The following SLC4A4 variants were observed in gnomAD, a reference collection of about 807,000 sequenced individuals.
SLC4A4 encodes the protein electrogenic sodium bicarbonate cotransporter 1.
A neutral mutation model predicts 111.5 loss-of-function variants in SLC4A4; 27 were observed. The observed-to-expected ratio is 0.24, with a 90% confidence interval of 0.18 to 0.33. SLC4A4 has a LOEUF of 0.33. Among genes scored for constraint, SLC4A4 ranks in the 10% least tolerant of loss-of-function variants. The pLI is 1.00. For synonymous variants in SLC4A4, 443 were observed against 463.4 expected, an observed-to-expected ratio of 0.96 and a Z score of 0.57; for missense variants, 909 against 1,315.5, an observed-to-expected ratio of 0.69 and a Z score of 4.78.
At chr4:71,519,702 T>C (rs907870267) in intron 16 of SLC4A4, among the ~76,000 whole-genome samples, 5 of 152,220 alleles carry the variant, frequency 3.3e-5, no homozygotes, top group Admixed American at 2.6e-4. Flanking sequence ...TGGCATGACC[T>C]TGGGTCACTG....
chr4:71,192,863 C>A (rs1304893456), intron 1 of SLC4A4, among the ~76,000 whole-genome samples: 2 of 152,212 alleles, frequency 1.3e-5, no homozygotes, highest in Non-Finnish European at 2.9e-5. Context: ...GTCATTACTT[C>A]CCACCAAGGT....
chr4:71,355,072 T>C (rs1174963116), intron 5 of SLC4A4, among the ~76,000 whole-genome samples: 1 of 152,362 alleles, frequency 6.6e-6, no homozygotes, highest in South Asian at 2.1e-4. Context: ...GGAAACTTAA[T>C]GAAGGGCATA....
chr4:71,308,924 T>G (rs1725915403), intron 3 of SLC4A4, among the ~76,000 whole-genome samples: 1 of 152,174 alleles, frequency 6.6e-6, no homozygotes, highest in Admixed American at 6.5e-5. Flanking sequence ...GGGAGCCAAG[T>G]GATCTCCTGC....
At chr4:71,262,245 G>C (rs182839680) in intron 3 of SLC4A4, among the ~76,000 whole-genome samples, 1 of 152,104 alleles carries the variant, frequency 6.6e-6, no homozygotes, top group African/African-American at 2.4e-5. Context: ...AAAGAACAAG[G>C]GTTCTTAATA....
intron 3 of SLC4A4, among the ~76,000 whole-genome samples, chr4:71,317,990 G>T (rs1726823964): frequency 6.6e-6 from 1 of 151,990 alleles, no homozygotes; most frequent in Non-Finnish European, 1.5e-5. Flanking sequence ...TTACCAAATT[G>T]CTTGGCCAGG....
chr4:71,451,474 T>C (rs1725754715), intron 11 of SLC4A4, among the ~76,000 whole-genome samples, 173 bp downstream of exon 11: 1 of 152,218 alleles, frequency 6.6e-6, no homozygotes, highest in East Asian at 1.9e-4. Flanking sequence ...AATGATACTG[T>C]ATTCCCATAA....
At chr4:71,546,601 T>A in intron 19 of SLC4A4, 73 bp downstream of exon 19, 2 of 1,284,480 alleles carry the variant, frequency 1.6e-6, no homozygotes. Context: ...CATAAGGATA[T>A]GGGCAGATTT....
chr4:71,564,131 A>G (rs1160708040), intron 24 of SLC4A4, among the ~76,000 whole-genome samples: 2 of 151,640 alleles, frequency 1.3e-5, no homozygotes, highest in African/African-American at 2.4e-5. Flanking sequence ...AATCATCCCC[A>G]GTTTTTCCAA....
chr4:71,122,683 T>A (rs1365312069), intron 2 of SLC4A4, among the ~76,000 whole-genome samples: 1 of 152,170 alleles, frequency 6.6e-6, no homozygotes, highest in African/African-American at 2.4e-5. Flanking sequence ...AGGAGGTTTT[T>A]ACTCTGAAGA....
At chr4:71,316,661 G>A (rs1240614541) in intron 3 of SLC4A4, among the ~76,000 whole-genome samples, 1 of 152,030 alleles carries the variant, frequency 6.6e-6, no homozygotes, top group Non-Finnish European at 1.5e-5. Context: ...CATCACGTAG[G>A]TATTAAGCCC....
At chr4:71,502,793 T>C (rs1731061011) in intron 16 of SLC4A4, among the ~76,000 whole-genome samples, 1 of 152,214 alleles carries the variant, frequency 6.6e-6, no homozygotes, top group Non-Finnish European at 1.5e-5. Context: ...TTGAGAAGAA[T>C]GTGTATTCTG....
intron 2 of SLC4A4, among the ~76,000 whole-genome samples, chr4:71,176,198 C>T (rs1259632013): frequency 6.6e-6 from 1 of 152,044 alleles, no homozygotes; most frequent in Non-Finnish European, 1.5e-5. Context: ...TCATCAAAGA[C>T]CAAAGGTAGA....
intron 3 of SLC4A4, among the ~76,000 whole-genome samples, chr4:71,279,701 C>G (rs994951272): frequency 1.3e-5 from 2 of 152,112 alleles, no homozygotes; most frequent in Admixed American, 1.3e-4. Flanking sequence ...AACTTCCATT[C>G]TGTGTTCTAT....
chr4:71,504,867 C>A (rs1329556234), intron 16 of SLC4A4, among the ~76,000 whole-genome samples: 1 of 152,056 alleles, frequency 6.6e-6, no homozygotes, highest in Non-Finnish European at 1.5e-5. Flanking sequence ...CTTCCTGATT[C>A]TCTCCCTCTT....
At chr4:71,240,962 T>TA (rs573168761) in intron 2 of SLC4A4, among the ~76,000 whole-genome samples, 2,843 of 143,392 alleles carry the variant, frequency 0.02, 67 homozygotes, top group African/African-American at 0.06. Context: ...TACAGAGAAA[T>TA]AAAAAAAAAA....
chr4:71,300,174 A>G, intron 3 of SLC4A4: 1 of 161,778 alleles, frequency 6.2e-6, no homozygotes, highest in Non-Finnish European at 1.4e-5. Flanking sequence ...CTGCTGAGGG[A>G]AGTGGAAGGG....
At position 71,135,033 on chromosome 4, in the gene SLC4A4, GC is replaced by G. The variant is rs573221527; in HGVS notation, c.-2+42242del. ...ACAGTTGCCATGAGTCCATCGCTGG[GC>G]TCCGATAAGCCTTTAAGTAACTGCA... On this transcript the variant is annotated intron_variant, in intron 2 of 26. Transcript: ENST00000649996. Among the ~76,000 whole-genome samples the G allele has an allele frequency of 5.9e-5, 9 of 152,224 alleles. No homozygotes were observed. The South Asian group carries it at 1.5e-3, about 25-fold the overall frequency.
chr4:71,183,579 G>A (rs1334647813), upstream of SLC4A4, among the ~76,000 whole-genome samples: 1 of 152,086 alleles, frequency 6.6e-6, no homozygotes, highest in East Asian at 1.9e-4. Flanking sequence ...ATTATCTATC[G>A]ATCTATATCT....
At chr4:71,187,918 G>C (rs1745558368) in intron 1 of SLC4A4, among the ~76,000 whole-genome samples, 1 of 152,216 alleles carries the variant, frequency 6.6e-6, no homozygotes, top group African/African-American at 2.4e-5. Context: ...ATCTCTCCCT[G>C]GCACGCCAAA....
Sources: allele counts gnomAD v4.1 joint callset (sites outside exome capture counted in the v4.1 genomes callset), GRCh38; gene constraint gnomAD v4.1.1; transcripts MANE v1.5; gene names NCBI Gene and HGNC (gene_info 2026-07-23, HGNC 2026-07-21).